ZBTB16: variants seen among roughly 807,000 people sequenced by gnomAD.
ZBTB16 encodes zinc finger and BTB domain containing 16.
In ZBTB16, 8 loss-of-function variants were observed where a neutral mutation model predicts 56.8. The ratio of observed to expected loss-of-function variants is 0.14; its 90% confidence interval spans 0.08 to 0.25. The LOEUF is 0.25. Among genes scored for constraint, ZBTB16 ranks in the 10% least tolerant of loss-of-function variants. The probability of loss-of-function intolerance (pLI) is 1.00; values close to 1 mark genes in which losing one functional copy is unlikely to be tolerated. For missense variants in ZBTB16, 625 were observed against 903.0 expected (o/e 0.69, Z 3.95); for synonymous variants, 363 against 368.5 (o/e 0.98, Z 0.17).
rs1944949864 is a variant in ZBTB16, at chr11:114,253,438, A to T, written c.*2883A>T. Among the ~76,000 whole-genome samples, 3 of 152,210 alleles carry T rather than the reference A, an allele frequency of 2.0e-5. No homozygotes were observed. The South Asian group carries it at 6.2e-4, about 32-fold the overall frequency. ...ACAAAAAAAAATCCACCACCACCAAAATATCCCTTTGTACATGTATGTGCG... is the reference window on the plus strand; with the variant it reads ...ACAAAAAAAAATCCACCACCACCAATATATCCCTTTGTACATGTATGTGCG... On this transcript the variant is annotated 3_prime_UTR_variant, in exon 7 of 7. Coordinates refer to ENST00000335953, the MANE Select transcript of ZBTB16 (RefSeq NM_006006.6).
At chr11:114,218,938 C>T (rs1020450216) in intron 4 of ZBTB16, among the ~76,000 whole-genome samples, 1 of 152,206 alleles carries the variant, frequency 6.6e-6, no homozygotes, top group Non-Finnish European at 1.5e-5. Context: ...CCCAGCTAAT[C>T]GTCCGCTTGA....
At chr11:114,154,695 A>T (rs1398526057) in intron 2 of ZBTB16, among the ~76,000 whole-genome samples, 1 of 152,186 alleles carries the variant, frequency 6.6e-6, no homozygotes, top group Non-Finnish European at 1.5e-5. Flanking sequence ...GCAAGAGAAC[A>T]TGGGGGGGTG....
At position 114,221,116 on chromosome 11, in the gene ZBTB16, G is replaced by A. The variant is rs1944221660; in HGVS notation, c.1454-21051G>A. On this transcript the variant is annotated intron_variant, in intron 4 of 6. Coordinates refer to ENST00000335953, the MANE Select transcript of ZBTB16 (RefSeq NM_006006.6). ...CCTACAGTCTCCATTCAAAGGCTGTGCTAGTTCCTTTTCCCTTCAGAACCC... is the reference window on the plus strand; with the variant it reads ...CCTACAGTCTCCATTCAAAGGCTGTACTAGTTCCTTTTCCCTTCAGAACCC... 2.0e-5 allele frequency among the ~76,000 whole-genome samples: 3 copies of A among 152,208 alleles called. 1 individual carries two copies. In the South Asian group the frequency reaches 6.2e-4, roughly 32 times the overall value.
intron 2 of ZBTB16, among the ~76,000 whole-genome samples, chr11:114,110,239 G>A (rs1940954977): frequency 6.6e-6 from 1 of 152,108 alleles, no homozygotes; most frequent in Non-Finnish European, 1.5e-5. Flanking sequence ...GAGATGTGGA[G>A]CATTTCAGCC....
rs1284305363 is a variant in ZBTB16 at position 114,064,231 on chromosome 11, G to A, written c.931G>A (p.Glu311Lys). The change falls in exon 2 of 7, where the codon GAG (glutamate) becomes AAG (lysine). Residue 311 changes from glutamate (E) to lysine (K), a missense_variant. By Grantham distance (56) the Glu-to-Lys change is moderately conservative. This residue lies in a region of ZBTB16 where 384 missense variants were observed against 393.5 expected (regional missense o/e 0.98). Coordinates refer to ENST00000335953, the MANE Select transcript of ZBTB16 (RefSeq NM_006006.6). This position sits in a 1 kb window ranked among gnomAD's most constrained non-coding sequence, Gnocchi z 4.2. ...TGCCGAGCAGGTGCCACCCCCAGCT[G>A]AGGCTGGCCAGGCCCCCACTGGCCG... ...ESAEQVPPPA[E>K]AGQAPTGRPE... The A allele has an allele frequency of 9.9e-6, 16 of 1,614,042 alleles. No individual in the cohort carries two copies. The highest frequency in any genetic ancestry group is 1.4e-5 in the Non-Finnish European group (16 of 1,180,026).
intron 2 of ZBTB16, among the ~76,000 whole-genome samples, chr11:114,098,025 C>T (rs926235745): frequency 2.0e-5 from 3 of 152,154 alleles, no homozygotes; most frequent in Non-Finnish European, 2.9e-5. Flanking sequence ...CCATCTGTGA[C>T]GGGCCTTGTC....
intron 4 of ZBTB16, among the ~76,000 whole-genome samples, chr11:114,235,857 G>T (rs1254015267): frequency 5.1e-5 from 7 of 137,974 alleles, no homozygotes; most frequent in Non-Finnish European, 7.6e-5. Flanking sequence ...TACATGCCCT[G>T]TAGTCAAAAC....
At chr11:114,159,941 G>GGGGT (rs1555145945) in intron 3 of ZBTB16, among the ~76,000 whole-genome samples, 7 of 145,944 alleles carry the variant, frequency 4.8e-5, no homozygotes, top group Admixed American at 2.7e-4. Context: ...GGGAGGCGGG[G>GGGGT]GGGAGGCGAG....
intron 2 of ZBTB16, among the ~76,000 whole-genome samples, chr11:114,069,187 G>A (rs924295876): frequency 2.0e-5 from 3 of 152,138 alleles, no homozygotes; most frequent in Non-Finnish European, 4.4e-5. Flanking sequence ...CCAGGTTCAC[G>A]CTATTCTCCT....
chr11:114,072,223 C>T (rs1939374733), intron 2 of ZBTB16, among the ~76,000 whole-genome samples: 1 of 152,282 alleles, frequency 6.6e-6, no homozygotes, highest in South Asian at 2.1e-4. Flanking sequence ...CTGCCTCGGG[C>T]ACCTCATGTT....
chr11:114,099,740 A>G (rs1940543797), intron 2 of ZBTB16, among the ~76,000 whole-genome samples: 1 of 152,238 alleles, frequency 6.6e-6, no homozygotes, highest in African/African-American at 2.4e-5. Flanking sequence ...GTGGCCTTCC[A>G]TTTTGGAAAA....
At chr11:114,072,945 G>A (rs1038270962) in intron 2 of ZBTB16, among the ~76,000 whole-genome samples, 7 of 151,706 alleles carry the variant, frequency 4.6e-5, no homozygotes, top group Non-Finnish European at 7.4e-5. Flanking sequence ...CCAGCTACTC[G>A]GGAGGCTGAG....
At chr11:114,199,903 C>T (rs891799159) in intron 4 of ZBTB16, among the ~76,000 whole-genome samples, 5 of 152,112 alleles carry the variant, frequency 3.3e-5, no homozygotes, top group South Asian at 2.1e-4. Context: ...CCGAGGTGGG[C>T]GGATCATGAG....
At chr11:114,202,820 G>T (rs1265478308) in intron 4 of ZBTB16, among the ~76,000 whole-genome samples, 2 of 152,176 alleles carry the variant, frequency 1.3e-5, no homozygotes. Context: ...GCAAGGACAG[G>T]CAGGTATCAC....
intron 2 of ZBTB16, among the ~76,000 whole-genome samples, chr11:114,068,410 A>G (rs1939206157): frequency 6.6e-6 from 1 of 152,194 alleles, no homozygotes; most frequent in Non-Finnish European, 1.5e-5. Context: ...AGTGAGAATC[A>G]AACTTAGTGG....
chr11:114,153,085 T>C (rs1302932374), intron 2 of ZBTB16, among the ~76,000 whole-genome samples: 1 of 152,248 alleles, frequency 6.6e-6, no homozygotes, highest in Admixed American at 6.5e-5. Flanking sequence ...TTGGCTGTTC[T>C]GCAGACTGTG....
At chr11:114,222,399 T>G (rs1044220923) in intron 4 of ZBTB16, among the ~76,000 whole-genome samples, 1 of 152,200 alleles carries the variant, frequency 6.6e-6, no homozygotes, top group African/African-American at 2.4e-5. Flanking sequence ...GTCTTTCTTA[T>G]TTTTAGGGGC....
intron 3 of ZBTB16, among the ~76,000 whole-genome samples, chr11:114,158,028 C>G (rs1471476284): frequency 2.0e-5 from 3 of 152,130 alleles, no homozygotes; most frequent in Non-Finnish European, 2.9e-5. Flanking sequence ...TAGGGACTTA[C>G]ACCTTGTATC....
chr11:114,214,787 A>G (rs574085312), intron 4 of ZBTB16, among the ~76,000 whole-genome samples: 14 of 152,326 alleles, frequency 9.2e-5, no homozygotes, highest in African/African-American at 2.9e-4. Flanking sequence ...TATTTTTAGT[A>G]GAGACGGAGT....
Sources: allele counts gnomAD v4.1 joint callset (sites outside exome capture counted in the v4.1 genomes callset), GRCh38; gene constraint gnomAD v4.1.1; regional missense constraint gnomAD v4.1.1; non-coding constraint Gnocchi (gnomAD v3.1); transcripts MANE v1.5; gene names NCBI Gene and HGNC (gene_info 2026-07-23, HGNC 2026-07-21).